ANK3: variants seen among roughly 807,000 people sequenced by gnomAD.
The protein encoded by ANK3 is ankyrin 3.
Under a neutral mutation model 370.9 loss-of-function variants are expected in ANK3, and 57 were observed. The ratio of observed to expected loss-of-function variants is 0.15; its 90% CI spans 0.12 to 0.19. ANK3 has a LOEUF of 0.19. Among genes scored for constraint, ANK3 ranks in the 10% least tolerant of loss-of-function variants. ANK3 has a pLI of 1.00. For missense variants in ANK3, 4,439 were observed against 5,302.1 expected (o/e 0.84, Z 5.06); for synonymous variants, 1,929 against 1,946.3 (o/e 0.99, Z 0.23).
chr10:60,583,692 C>T (rs1674283409), intron 2 of ANK3, among the ~76,000 whole-genome samples: 1 of 151,924 alleles, frequency 6.6e-6, no homozygotes, highest in Non-Finnish European at 1.5e-5. Context: ...ACGCGATTCT[C>T]CTGCCTCAGC....
intron 1 of ANK3, among the ~76,000 whole-genome samples, chr10:60,311,953 C>A (rs191005998): frequency 6.6e-6 from 1 of 152,120 alleles, no homozygotes; most frequent in Non-Finnish European, 1.5e-5. Context: ...TGCCTCCAGC[C>A]CTGTAGAATT....
At chr10:60,440,219 G>A (rs1332946019) in intron 2 of ANK3, among the ~76,000 whole-genome samples, 2 of 152,158 alleles carry the variant, frequency 1.3e-5, no homozygotes, top group South Asian at 2.1e-4. Context: ...TGGTCTCAGA[G>A]CAGCTGTACG....
intron 1 of ANK3, among the ~76,000 whole-genome samples, chr10:60,290,973 T>C (rs2041238536): frequency 6.6e-6 from 1 of 152,128 alleles, no homozygotes; most frequent in Non-Finnish European, 1.5e-5. Flanking sequence ...TATGATCTGG[T>C]TTACATCAAA....
At chr10:60,554,764 C>A (rs1198977178) in intron 2 of ANK3, among the ~76,000 whole-genome samples, 1 of 152,136 alleles carries the variant, frequency 6.6e-6, no homozygotes, top group East Asian at 1.9e-4. Flanking sequence ...CTGATAAAAT[C>A]AATCATACAT....
chr10:60,069,775 C>T lies in ANK3; in HGVS notation c.11106G>A (p.Leu3702=). The change falls in exon 37 of 44, where the codon CTG becomes CTA. Residue 3702 remains leucine, a synonymous_variant. Coordinates refer to ENST00000280772, the MANE Select transcript of ANK3 (RefSeq NM_020987.5). ...TGTTAGTGGCTGCTGCTGATTTCTCCAGGGAGCCACTACTGGATGTGCCTT... is the reference window on the plus strand; with the variant it reads ...TGTTAGTGGCTGCTGCTGATTTCTCTAGGGAGCCACTACTGGATGTGCCTT... ...CQEGTSSSGS[L]EKSAAATNTS... is the part of the protein sequence containing the mutation. The T allele has an allele frequency of 6.2e-7, 1 of 1,613,984 alleles. No individual in the cohort carries two copies. Among genetic ancestry groups the T allele is most frequent in the East Asian group, 2.2e-5 (1 of 44,862 alleles).
At chr10:60,273,787 T>G (rs1050178423) in intron 4 of ANK3, among the ~76,000 whole-genome samples, 16 of 152,120 alleles carry the variant, frequency 1.1e-4, no homozygotes, top group Non-Finnish European at 7.4e-5. Flanking sequence ...TCTCATAAGA[T>G]CTGATGGTTT....
chr10:60,686,199 G>C (rs1319346576), intron 1 of ANK3, among the ~76,000 whole-genome samples: 1 of 152,058 alleles, frequency 6.6e-6, no homozygotes, highest in African/African-American at 2.4e-5. Flanking sequence ...AAAATACAAA[G>C]AGCCTTACAG....
At chr10:60,598,087 T>C (rs2078012243) in intron 2 of ANK3, among the ~76,000 whole-genome samples, 1 of 152,124 alleles carries the variant, frequency 6.6e-6, no homozygotes, top group South Asian at 2.1e-4. Flanking sequence ...GATAGAGAAA[T>C]CCATTTCAAC....
In ANK3 at chr10:60,074,826, T is replaced by G. The variant is rs1271553862; in HGVS notation, c.6055A>C (p.Lys2019Gln). The change falls in exon 37 of 44, where the codon AAA becomes CAA. Residue 2019 changes from lysine (K) to glutamine (Q), a missense_variant. Around this residue, in one of 13 missense-constraint regions of ANK3, gnomAD observed 679 missense variants for 791.0 expected, o/e 0.86. Transcript: ENST00000280772. ...TCCTTTTCGGAGGCGGCTTTTGCTT[T>G]TACTTGCACTCTCTCTGGCAGAGAT... is the stretch of plus-strand genomic sequence containing the variant. ...SPSLPERVQV[K>Q]AKAASEKDYN... 2 of 1,613,670 alleles carry G rather than the reference T, an allele frequency of 1.2e-6. No homozygotes were observed. Among genetic ancestry groups the G allele is most frequent in the African/African-American group, 2.7e-5 (2 of 75,008 alleles).
At chr10:60,224,150 A>G (rs141783241) in intron 8 of ANK3, among the ~76,000 whole-genome samples, 53 of 152,258 alleles carry the variant, frequency 3.5e-4, no homozygotes, top group Non-Finnish European at 6.8e-4. Flanking sequence ...AAGGCAACAT[A>G]TGCAGTTGGA....
rs796146337 is a variant in ANK3 at position 60,285,709 on chromosome 10, C to T, written c.115-6070G>A. Among the ~76,000 whole-genome samples, 4 of 152,146 alleles carry T rather than the reference C, an allele frequency of 2.6e-5. No individual in the cohort carries two copies. The South Asian group carries it at 8.3e-4, about 31-fold the overall frequency. ...CTCAGCACTCCATATCCACGTAGTG[C>T]TCATCCTCACCCCAAGACATTTCCA... On this transcript the variant is annotated intron_variant, in intron 1 of 43. Transcript: ENST00000280772.
chr10:60,165,741 T>G (rs2095608342), intron 23 of ANK3, among the ~76,000 whole-genome samples: 1 of 152,204 alleles, frequency 6.6e-6, no homozygotes, highest in Non-Finnish European at 1.5e-5. Flanking sequence ...AGAAAGCTAC[T>G]ACATGACAGG....
intron 2 of ANK3, among the ~76,000 whole-genome samples, chr10:60,437,291 T>TA (rs941230875): frequency 3.6e-4 from 55 of 151,204 alleles, no homozygotes; most frequent in African/African-American, 1.3e-3. Flanking sequence ...TATGAAGGAT[T>TA]AAAAAAAAAT....
At position 60,070,460 on chromosome 10, in the gene ANK3, C is replaced by T; in HGVS notation, c.10421G>A (p.Gly3474Glu). ...LEVIEEEGKV[G>E]PDEDKPPSKS... ...AGAAGGTGGCTTGTCCTCATCTGGTCCCACCTTTCCCTCCTCCTCGATAAC... is the reference window on the plus strand; with the variant it reads ...AGAAGGTGGCTTGTCCTCATCTGGTTCCACCTTTCCCTCCTCCTCGATAAC... Residue 3474 changes from glycine to glutamate, a missense_variant, in exon 37 of 44, where the codon GGA (glycine) becomes GAA (glutamate). By Grantham distance (98) the Gly-to-Glu change is moderately conservative. Around this residue, in one of 13 missense-constraint regions of ANK3, gnomAD observed 1,601 missense variants for 1,731.7 expected, o/e 0.92. Coordinates refer to ENST00000280772, the MANE Select transcript of ANK3 (RefSeq NM_020987.5). The surrounding 1 kb of genome is among the most constrained non-coding windows in gnomAD (Gnocchi z 5.7). 6.2e-7 allele frequency: 1 copy of T among 1,614,140 alleles called. No homozygotes were observed. Among genetic ancestry groups the T allele is most frequent in the South Asian group, 1.1e-5 (1 of 91,074 alleles).
At chr10:60,471,122 A>G (rs780478227) in intron 2 of ANK3, among the ~76,000 whole-genome samples, 11 of 152,172 alleles carry the variant, frequency 7.2e-5, no homozygotes, top group Non-Finnish European at 1.2e-4. Flanking sequence ...ATCACACCAT[A>G]CAGATAATTT....
chr10:60,485,405 G>T (rs532328937), intron 2 of ANK3, among the ~76,000 whole-genome samples: 17 of 152,288 alleles, frequency 1.1e-4, no homozygotes, highest in Non-Finnish European at 2.2e-4. Flanking sequence ...ATGCAAACAG[G>T]CAGGGAATCT....
At chr10:60,388,718 A>G (rs2132865962) in intron 1 of ANK3, among the ~76,000 whole-genome samples, 1 of 152,280 alleles carries the variant, frequency 6.6e-6, no homozygotes, top group South Asian at 2.1e-4. Context: ...TTTGATCTAA[A>G]GCAATCAGTG....
rs553802299 is a variant in ANK3, at chr10:60,292,231, C to A, written c.115-12592G>T. ...GGAAAATAACCGCAGATGGAGAAAC[C>A]ATTTCTGAAAAGTATGTTTTGCAGG... On this transcript the variant is annotated intron_variant, in intron 1 of 43. Transcript: ENST00000280772. Among the ~76,000 whole-genome samples the A allele has an allele frequency of 1.7e-3, 255 of 152,002 alleles. 1 individual carries two copies. The highest frequency in any genetic ancestry group is 2.5e-3 in the Admixed American group (38 of 15,262).
At chr10:60,646,395 TA>T (rs1176026855) in intron 1 of ANK3, among the ~76,000 whole-genome samples, 2 of 152,140 alleles carry the variant, frequency 1.3e-5, no homozygotes, top group Non-Finnish European at 2.9e-5. Flanking sequence ...AAGGCAAGTC[TA>T]AAGATAAGAA....
Sources: gnomAD v4.1 joint callset for allele counts (sites outside exome capture counted in the v4.1 genomes callset) on GRCh38, gnomAD v4.1.1 for gene constraint, gnomAD v4.1.1 regional missense constraint, Gnocchi (gnomAD v3.1) non-coding constraint, MANE v1.5 for transcripts, NCBI Gene and HGNC (gene_info 2026-07-23, HGNC 2026-07-21) for gene names.